The following CRADD variants were observed in gnomAD, a reference collection of about 807,000 sequenced individuals.
CRADD encodes CARD and death domain containing adaptor protein, also known as death domain-containing protein CRADD.
A neutral mutation model predicts 15.5 loss-of-function variants in CRADD; 9 were observed. That is an observed-to-expected ratio of 0.58 (90% CI 0.35 to 1.01). The LOEUF is 1.01. Ranked by LOEUF, CRADD falls within the 50% of genes least tolerant of loss-of-function variation. CRADD has a pLI of 0.02. For missense variants in CRADD, 227 were observed against 250.3 expected, an observed-to-expected ratio of 0.91 and a Z score of 0.63; for synonymous variants, 118 against 107.6, an observed-to-expected ratio of 1.10 and a Z score of -0.60.
intron 2 of CRADD, among the ~76,000 whole-genome samples, chr12:93,752,768 G>T (rs919497117): frequency 6.6e-6 from 1 of 152,124 alleles, no homozygotes; most frequent in Non-Finnish European, 1.5e-5. Flanking sequence ...AAGGAAGAGT[G>T]TATTAGTCTG....
At position 93,678,964 on chromosome 12, in the gene CRADD, A is replaced by G; in HGVS notation, c.190A>G (p.Arg64Gly). The G allele has an allele frequency of 6.2e-7, 1 of 1,613,988 alleles. No individual in the cohort carries two copies. Among genetic ancestry groups the G allele is most frequent in the Non-Finnish European group, 8.5e-7 (1 of 1,179,878 alleles). The change falls in exon 2 of 3, where the codon AGG becomes GGG. Residue 64 changes from arginine (R) to glycine (G), a missense_variant. Transcript: ENST00000332896. ...TMLLLDILPS[R>G]GPKAFDTFLD... Reference sequence around the variant, plus strand: ...GCTCCTGCTGGATATCCTACCTTCCAGGGGCCCTAAAGCATTTGATACATT... The same window carrying G: ...GCTCCTGCTGGATATCCTACCTTCCGGGGGCCCTAAAGCATTTGATACATT...
intron 2 of CRADD, among the ~76,000 whole-genome samples, chr12:93,841,868 A>C (rs1394462161): frequency 1.3e-5 from 2 of 152,062 alleles, no homozygotes; most frequent in Non-Finnish European, 1.5e-5. Flanking sequence ...AGCATATGAC[A>C]CTTACATCAG....
At chr12:93,711,733 A>G (rs1956077994) in intron 2 of CRADD, among the ~76,000 whole-genome samples, 1 of 145,072 alleles carries the variant, frequency 6.9e-6, no homozygotes, top group Admixed American at 7.2e-5. Flanking sequence ...ACCTCATAAA[A>G]ACCTTTTGTA....
chr12:93,678,187 A>G (rs1040764673), intron 1 of CRADD, among the ~76,000 whole-genome samples: 6 of 152,174 alleles, frequency 3.9e-5, no homozygotes, highest in Admixed American at 2.0e-4. Flanking sequence ...ACAAACAACA[A>G]TTTTCTTAAA....
intron 2 of CRADD, among the ~76,000 whole-genome samples, chr12:93,794,668 T>C (rs915867538): frequency 3.3e-5 from 5 of 152,148 alleles, no homozygotes; most frequent in Admixed American, 3.3e-4. Context: ...CCCCTGGCAG[T>C]CCATGGAGAG....
At chr12:93,756,593 G>C (rs1394519177) in intron 2 of CRADD, among the ~76,000 whole-genome samples, 2 of 152,190 alleles carry the variant, frequency 1.3e-5, no homozygotes, top group East Asian at 3.8e-4. Context: ...TGCATCCTCA[G>C]CATCCAGAAC....
At chr12:93,750,387 G>C (rs947495967) in intron 2 of CRADD, among the ~76,000 whole-genome samples, 1 of 152,172 alleles carries the variant, frequency 6.6e-6, no homozygotes. Context: ...ATTCTGTAGA[G>C]GATGTGACTT....
chr12:93,861,311 T>G (rs1958317757), intron 2 of CRADD, among the ~76,000 whole-genome samples: 1 of 152,228 alleles, frequency 6.6e-6, no homozygotes, highest in African/African-American at 2.4e-5. Flanking sequence ...GATAAGAGGA[T>G]TGAAGCAGGC....
intron 2 of CRADD, among the ~76,000 whole-genome samples, chr12:93,863,675 G>C (rs1048445165): frequency 5.4e-5 from 8 of 148,340 alleles, no homozygotes; most frequent in Non-Finnish European, 1.0e-4. Flanking sequence ...CGGGGGTTAG[G>C]GTTAGCATTA....
chr12:93,887,060 C>T (rs575378041), intron 2 of CRADD, among the ~76,000 whole-genome samples: 2 of 152,188 alleles, frequency 1.3e-5, no homozygotes, highest in South Asian at 2.1e-4. Context: ...AGACTTGAAT[C>T]CAGATCTTTG....
At chr12:93,744,463 GC>G (rs757512837) in intron 2 of CRADD, among the ~76,000 whole-genome samples, 16 of 152,256 alleles carry the variant, frequency 1.1e-4, no homozygotes, top group Non-Finnish European at 8.8e-5. Context: ...GATTACAGTG[GC>G]CCAACTGGAT....
At chr12:93,815,953 G>A (rs1436216509) in intron 2 of CRADD, 1 of 152,238 alleles carries the variant, frequency 6.6e-6, no homozygotes, top group Non-Finnish European at 1.5e-5. Flanking sequence ...CATGAGGATA[G>A]TAGTGGTAAT....
intron 2 of CRADD, among the ~76,000 whole-genome samples, chr12:93,856,612 C>T (rs1958277197): frequency 6.6e-6 from 1 of 152,178 alleles, no homozygotes; most frequent in Admixed American, 6.5e-5. Context: ...ATTTTACATC[C>T]AGTTTGACAA....
intron 2 of CRADD, among the ~76,000 whole-genome samples, chr12:93,764,010 ATTTTAT>A (rs995498112): frequency 1.3e-5 from 2 of 152,136 alleles, no homozygotes; most frequent in Non-Finnish European, 2.9e-5. Flanking sequence ...GGTTCAGGGA[ATTTTAT>A]TCAGTCTGGT....
Position 93,878,582 on chromosome 12 carries a change from T to C in CRADD, c.299-15468T>C, listed in dbSNP as rs141349545. 1.1e-3 allele frequency among the ~76,000 whole-genome samples: 163 copies of C among 152,292 alleles called. 1 individual carries two copies. The highest frequency in any genetic ancestry group is 3.4e-3 in the African/African-American group (142 of 41,532). On this transcript the variant is annotated intron_variant, in intron 2 of 2. Coordinates refer to the CRADD transcript ENST00000548483. Reference sequence around the variant, plus strand: ...GATTCATTCAGTCTTCCAGTCCTTATGGCCTAGACTGCCTTTTAAGTTTAT... The same window carrying C: ...GATTCATTCAGTCTTCCAGTCCTTACGGCCTAGACTGCCTTTTAAGTTTAT...
At chr12:93,802,997 A>G (rs11107194) in intron 2 of CRADD, among the ~76,000 whole-genome samples, 46,812 of 152,062 alleles carry the variant, frequency 0.31, 7,566 homozygotes, top group East Asian at 0.54. Context: ...TATTTCAGAG[A>G]TAAAATGCCA....
chr12:93,844,425 G>A (rs1958088582), intron 2 of CRADD, among the ~76,000 whole-genome samples: 1 of 152,076 alleles, frequency 6.6e-6, no homozygotes. Flanking sequence ...CTCTATATGT[G>A]CAAAGATGTC....
chr12:93,756,109 T>C (rs1012578180), intron 2 of CRADD, among the ~76,000 whole-genome samples: 4 of 152,222 alleles, frequency 2.6e-5, no homozygotes, highest in African/African-American at 9.6e-5. Flanking sequence ...TGTTGCACTT[T>C]TTAAAAAAGC....
intron 2 of CRADD, among the ~76,000 whole-genome samples, chr12:93,872,676 T>A (rs1035472189): frequency 6.6e-6 from 1 of 152,112 alleles, no homozygotes; most frequent in Non-Finnish European, 1.5e-5. Flanking sequence ...TTTTCCCCAG[T>A]GTATATTCTT....
Sources: gnomAD v4.1 joint callset for allele counts (sites outside exome capture counted in the v4.1 genomes callset) on GRCh38, gnomAD v4.1.1 for gene constraint, MANE v1.5 for transcripts, NCBI Gene and HGNC (gene_info 2026-07-23, HGNC 2026-07-21) for gene names.